The following RBM20 variants were observed in gnomAD, a reference collection of about 807,000 sequenced individuals.
RBM20 encodes RNA-binding protein 20.
A neutral mutation model predicts 110.1 loss-of-function variants in RBM20; 51 were observed. That is an observed-to-expected ratio of 0.46 (90% confidence interval 0.37 to 0.59). The LOEUF is 0.59. RBM20 is among the 20% of genes least tolerant of loss of function. The probability of loss-of-function intolerance (pLI) is 0.00; values close to 1 mark genes in which losing one functional copy is unlikely to be tolerated. For synonymous variants in RBM20, 589 were observed against 618.2 expected (o/e 0.95, Z 0.70); for missense variants, 1,512 against 1,574.9 (o/e 0.96, Z 0.68).
intron 1 of RBM20, among the ~76,000 whole-genome samples, chr10:110,721,788 G>A (rs1027134753): frequency 1.8e-4 from 28 of 152,160 alleles, no homozygotes; most frequent in African/African-American, 6.8e-4. Flanking sequence ...CTATAAATAG[G>A]TGTGATAAGC....
intron 1 of RBM20, among the ~76,000 whole-genome samples, chr10:110,764,879 GT>G (rs1368048773): frequency 6.6e-6 from 1 of 152,114 alleles, no homozygotes; most frequent in Admixed American, 6.5e-5. Context: ...AGAAATCGAG[GT>G]TTATTTGTTT....
At chr10:110,736,306 G>C (rs566040581) in intron 1 of RBM20, among the ~76,000 whole-genome samples, 1 of 152,200 alleles carries the variant, frequency 6.6e-6, no homozygotes, top group Non-Finnish European at 1.5e-5. Context: ...AATATACCCA[G>C]TTTGCACTGA....
rs1422026862 is a variant in RBM20 at position 110,769,634 on chromosome 10, A to AAG, written c.192-11164_192-11163dup. Among the ~76,000 whole-genome samples the AAG allele has an allele frequency of 4.6e-5, 7 of 152,300 alleles. No individual in the cohort carries two copies. In the South Asian group the frequency reaches 1.5e-3, roughly 32 times the overall value. ...TTTACATTGTCTGAAACCCCCATGG[A>AAG]AGAGGAAGCCCATTCTTGGTGTACT... On this transcript the variant is annotated intron_variant, in intron 1 of 13. Coordinates refer to ENST00000369519, the MANE Select transcript of RBM20 (RefSeq NM_001134363.3).
rs866938881 is a variant in RBM20 at position 110,650,984 on chromosome 10, T to C, written c.191+6339T>C. 3.9e-5 allele frequency among the ~76,000 whole-genome samples: 6 copies of C among 152,356 alleles called. 1 individual carries two copies. In the South Asian group the frequency reaches 1.2e-3, roughly 32 times the overall value. ...AGCATCTTTGCTCTAAGTTAATTAC[T>C]GGGCTTCTGTCGAGGAGTGCCACAG... On this transcript the variant is annotated intron_variant, in intron 1 of 13. Coordinates refer to ENST00000369519, the MANE Select transcript of RBM20 (RefSeq NM_001134363.3).
intron 1 of RBM20, among the ~76,000 whole-genome samples, chr10:110,733,417 T>C (rs1438003291): frequency 6.6e-6 from 1 of 152,240 alleles, no homozygotes; most frequent in Non-Finnish European, 1.5e-5. Context: ...ATTGACGATG[T>C]GGCTTCCAAA....
intron 1 of RBM20, among the ~76,000 whole-genome samples, chr10:110,679,055 A>T (rs1007132705): frequency 3.3e-5 from 5 of 152,184 alleles, no homozygotes; most frequent in African/African-American, 1.2e-4. Context: ...GGCCTCCTGG[A>T]GCCTCAGGCT....
intron 1 of RBM20, among the ~76,000 whole-genome samples, chr10:110,762,567 T>C (rs764387923): frequency 1.1e-4 from 16 of 152,206 alleles, no homozygotes; most frequent in Non-Finnish European, 2.2e-4. Flanking sequence ...ATAATCAAGC[T>C]CACATTCAGT....
chr10:110,783,359 G>T lies in RBM20; in HGVS notation c.1276-7G>T. The T allele has an allele frequency of 6.5e-7, 1 of 1,550,218 alleles. No homozygotes were observed. Among genetic ancestry groups the T allele is most frequent in the South Asian group, 1.2e-5 (1 of 83,884 alleles). ...ACTTTGGTCACTTTTCTTTCCTTCT[G>T]ACCTAGGACTGGGAGCTGCATGTGA... On this transcript the variant is annotated splice_polypyrimidine_tract_variant and splice_region_variant and intron_variant, in intron 2 of 13. Coordinates refer to ENST00000369519, the MANE Select transcript of RBM20 (RefSeq NM_001134363.3).
chr10:110,721,152 C>T (rs1209812640), intron 1 of RBM20, among the ~76,000 whole-genome samples: 1 of 152,198 alleles, frequency 6.6e-6, no homozygotes, highest in Non-Finnish European at 1.5e-5. Context: ...TCCCCCTTTC[C>T]TTCCTCAGTC....
chr10:110,683,992 T>C (rs968336184), intron 1 of RBM20, among the ~76,000 whole-genome samples: 22 of 152,244 alleles, frequency 1.4e-4, no homozygotes, highest in African/African-American at 5.1e-4. Context: ...GAAATATTTT[T>C]AATTAACTAT....
intron 1 of RBM20, among the ~76,000 whole-genome samples, chr10:110,657,584 G>GT (rs1188158955): frequency 2.0e-5 from 3 of 152,156 alleles, no homozygotes; most frequent in African/African-American, 4.8e-5. Flanking sequence ...TTGCAAATAT[G>GT]TTCTCCTATT....
At chr10:110,673,400 C>T (rs886459480) in intron 1 of RBM20, among the ~76,000 whole-genome samples, 5 of 152,086 alleles carry the variant, frequency 3.3e-5, no homozygotes, top group Non-Finnish European at 5.9e-5. Context: ...TTAGTAGAGA[C>T]AGGGTTTCAC....
intron 1 of RBM20, among the ~76,000 whole-genome samples, chr10:110,652,779 C>G (rs1464241308): frequency 6.6e-6 from 1 of 152,154 alleles, no homozygotes; most frequent in African/African-American, 2.4e-5. Context: ...TTTTGTCATC[C>G]TGGGAATGGA....
rs1570426 is a variant in RBM20 at position 110,783,587 on chromosome 10, G to A, written c.1337+160G>A. Among the ~76,000 whole-genome samples, 16,151 of 152,214 alleles carry A rather than the reference G, an allele frequency of 0.11. 901 individuals are homozygous for A. Among genetic ancestry groups the A allele is most frequent in the African/African-American group, 0.13 (5,391 of 41,488 alleles). ...GGAGCTTGTGCTTCACAGGGGCCAG[G>A]GAGATGATAAACAAAATGAACAAGA... is the stretch of plus-strand genomic sequence containing the variant. On this transcript the variant is annotated intron_variant, in intron 3 of 13. Transcript: ENST00000369519.
rs577750821 is a variant in RBM20, at chr10:110,798,314, G to A, written c.1668+666G>A. 1.1e-4 allele frequency among the ~76,000 whole-genome samples: 17 copies of A among 152,256 alleles called. No individual in the cohort carries two copies. In the South Asian group the frequency reaches 1.9e-3, roughly 17 times the overall value. ...AATGAATATTTTTACTTTATGAATCGGAGGAACAGGCATAGGAAAAATTCT... is the reference window on the plus strand; with the variant it reads ...AATGAATATTTTTACTTTATGAATCAGAGGAACAGGCATAGGAAAAATTCT... On this transcript the variant is annotated intron_variant, in intron 6 of 13. Coordinates refer to ENST00000369519, the MANE Select transcript of RBM20 (RefSeq NM_001134363.3).
chr10:110,675,388 C>T (rs902312072), intron 1 of RBM20, among the ~76,000 whole-genome samples: 1 of 152,188 alleles, frequency 6.6e-6, no homozygotes, highest in Non-Finnish European at 1.5e-5. Flanking sequence ...GCACCATCAT[C>T]ATTATGAGCA....
chr10:110,674,686 T>C (rs530245051), intron 1 of RBM20, among the ~76,000 whole-genome samples: 1 of 152,358 alleles, frequency 6.6e-6, no homozygotes, highest in South Asian at 2.1e-4. Flanking sequence ...GATTGATCAC[T>C]GCTTAAGTCT....
chr10:110,650,662 A>G (rs748788244), intron 1 of RBM20, among the ~76,000 whole-genome samples: 4 of 152,284 alleles, frequency 2.6e-5, no homozygotes, highest in Non-Finnish European at 5.9e-5. Flanking sequence ...CTAATGACCC[A>G]TCAGTTCTCA....
intron 1 of RBM20, among the ~76,000 whole-genome samples, chr10:110,780,055 G>A (rs941955190): frequency 3.3e-5 from 5 of 152,078 alleles, no homozygotes; most frequent in Admixed American, 2.0e-4. Flanking sequence ...TGGCAATCAC[G>A]GGGAAGGGTG....
Sources: gnomAD v4.1 joint callset for allele counts (sites outside exome capture counted in the v4.1 genomes callset) on GRCh38, gnomAD v4.1.1 for gene constraint, MANE v1.5 for transcripts, NCBI Gene and HGNC (gene_info 2026-07-23, HGNC 2026-07-21) for gene names.